Variants in GRID2 observed in about 807,000 individuals in gnomAD.
GRID2 encodes the protein glutamate ionotropic receptor delta type subunit 2.
Under a neutral mutation model 114.8 loss-of-function variants are expected in GRID2, and 33 were observed. That is an observed-to-expected ratio of 0.29 (90% CI 0.22 to 0.38). The LOEUF is 0.38. GRID2 is among the 10% of genes least tolerant of loss of function. GRID2 has a pLI of 1.00. For missense variants in GRID2, 1,184 were observed against 1,257.7 expected (o/e 0.94, Z 0.89); for synonymous variants, 505 against 449.9 (o/e 1.12, Z -1.55).
At chr4:93,628,029 C>T (rs1560837566) in intron 14 of GRID2, among the ~76,000 whole-genome samples, 1 of 152,102 alleles carries the variant, frequency 6.6e-6, no homozygotes. Context: ...CAAAAATTAT[C>T]CAGGTGTGGT....
intron 1 of GRID2, among the ~76,000 whole-genome samples, chr4:92,315,418 G>A (rs1725916443): frequency 6.6e-6 from 1 of 152,026 alleles, no homozygotes; most frequent in African/African-American, 2.4e-5. Flanking sequence ...CTGGAGCCTA[G>A]GAACTTAATT....
At chr4:93,806,898 A>T (rs1390055885) in exon 2 of GRID2, 4 of 152,264 alleles carry the variant, frequency 2.6e-5, no homozygotes, top group Admixed American at 2.0e-4. Flanking sequence ...AGAACTGCTG[A>T]TCTGTTTTCC....
intron 4 of GRID2, among the ~76,000 whole-genome samples, chr4:93,192,881 C>G (rs1741125785): frequency 6.6e-6 from 1 of 152,050 alleles, no homozygotes; most frequent in African/African-American, 2.4e-5. Flanking sequence ...GTATTGCCTG[C>G]CTTATCTCAT....
At chr4:92,646,456 T>C (rs1446982534) in intron 2 of GRID2, among the ~76,000 whole-genome samples, 1 of 152,174 alleles carries the variant, frequency 6.6e-6, no homozygotes, top group Admixed American at 6.6e-5. Flanking sequence ...TTTCTTGTTC[T>C]TAACACTTAA....
intron 1 of GRID2, among the ~76,000 whole-genome samples, chr4:92,528,779 C>T (rs1725166508): frequency 6.8e-6 from 1 of 147,814 alleles, no homozygotes; most frequent in Non-Finnish European, 1.5e-5. Flanking sequence ...GAACATGCTC[C>T]ACTAAAGTCG....
At chr4:92,387,408 G>T (rs147471215) in intron 1 of GRID2, among the ~76,000 whole-genome samples, 272 of 152,068 alleles carry the variant, frequency 1.8e-3, no homozygotes, top group Non-Finnish European at 2.2e-3. Flanking sequence ...AAGTTGTGTG[G>T]AGAATGTGAG....
At chr4:93,682,262 A>C (rs1214233607) in intron 14 of GRID2, among the ~76,000 whole-genome samples, 1 of 148,998 alleles carries the variant, frequency 6.7e-6, no homozygotes, top group Non-Finnish European at 1.5e-5. Flanking sequence ...AATGGCAATC[A>C]TTAAAAAGTC....
At position 92,995,037 on chromosome 4, in the gene GRID2, C is replaced by T. The variant is rs1208536623; in HGVS notation, c.245-89958C>T. On this transcript the variant is annotated intron_variant, in intron 2 of 15. Coordinates refer to ENST00000282020, the MANE Select transcript of GRID2 (RefSeq NM_001510.4). Reference sequence around the variant, plus strand: ...TGTTAAACAGCCAACACACAACTGTCCTTGGAGGAATAAAAGGTTTGCCTT... The same window carrying T: ...TGTTAAACAGCCAACACACAACTGTTCTTGGAGGAATAAAAGGTTTGCCTT... Among the ~76,000 whole-genome samples the T allele has an allele frequency of 3.9e-5, 6 of 152,074 alleles. No homozygotes were observed. In the East Asian group the frequency reaches 1.2e-3, roughly 29 times the overall value.
intron 1 of GRID2, among the ~76,000 whole-genome samples, chr4:92,567,529 T>C (rs545629351): frequency 1.4e-3 from 210 of 152,152 alleles, no homozygotes; most frequent in Non-Finnish European, 1.6e-3. Flanking sequence ...TTTGCGCTAA[T>C]AAATCTAATT....
At chr4:93,612,159 G>A (rs1490363558) in intron 13 of GRID2, among the ~76,000 whole-genome samples, 1 of 151,500 alleles carries the variant, frequency 6.6e-6, no homozygotes, top group Non-Finnish European at 1.5e-5. Context: ...TTTTCCATTG[G>A]TTTGGTAGAT....
At chr4:93,702,880 A>G (rs946680316) in intron 14 of GRID2, among the ~76,000 whole-genome samples, 4 of 152,120 alleles carry the variant, frequency 2.6e-5, no homozygotes. Context: ...TAATATCTCA[A>G]TTGGGAGAAG....
At chr4:93,502,144 T>A (rs1337923116) in intron 12 of GRID2, among the ~76,000 whole-genome samples, 1 of 152,100 alleles carries the variant, frequency 6.6e-6, no homozygotes, top group Non-Finnish European at 1.5e-5. Context: ...AGACTGGAGT[T>A]GGCAGCCGGG....
intron 2 of GRID2, among the ~76,000 whole-genome samples, chr4:92,913,659 G>A (rs570804750): frequency 6.6e-6 from 1 of 152,058 alleles, no homozygotes; most frequent in East Asian, 1.9e-4. Flanking sequence ...AGATTATACT[G>A]TAGCATTTGA....
At chr4:93,496,129 A>AAC (rs1255781910) in intron 12 of GRID2, among the ~76,000 whole-genome samples, 1 of 151,654 alleles carries the variant, frequency 6.6e-6, no homozygotes, top group African/African-American at 2.4e-5. Flanking sequence ...GTAAAAAAAA[A>AAC]AAAAAACAGG....
chr4:93,293,697 G>A (rs574456323), intron 8 of GRID2, among the ~76,000 whole-genome samples: 221 of 152,114 alleles, frequency 1.5e-3, no homozygotes, highest in African/African-American at 5.0e-3. Flanking sequence ...ATAAAAAATG[G>A]CTAGCCTCTC....
intron 2 of GRID2, among the ~76,000 whole-genome samples, chr4:92,841,279 A>C (rs1742872052): frequency 6.6e-6 from 1 of 152,084 alleles, no homozygotes; most frequent in Admixed American, 6.6e-5. Flanking sequence ...AAAACATTTA[A>C]ATTGTTTAAA....
intron 2 of GRID2, among the ~76,000 whole-genome samples, chr4:92,738,517 G>A (rs890984075): frequency 6.6e-6 from 1 of 152,000 alleles, no homozygotes; most frequent in Non-Finnish European, 1.5e-5. Flanking sequence ...TAGTCTGAAT[G>A]TATTTTCTAA....
chr4:93,796,202 A>C (rs1734796813), intron 1 of GRID2, among the ~76,000 whole-genome samples: 1 of 152,088 alleles, frequency 6.6e-6, no homozygotes, highest in Non-Finnish European at 1.5e-5. Context: ...GGTCAGACCC[A>C]CCACCATCAT....
rs1211442570 is a variant in GRID2, at chr4:93,040,285, CAA to C, written c.245-44698_245-44697del. 2.3e-3 allele frequency among the ~76,000 whole-genome samples: 259 copies of C among 111,968 alleles called. 1 individual carries two copies. The highest frequency in any genetic ancestry group is 7.5e-3 in the African/African-American group (230 of 30,530). The allele number at this position is 111,968 out of a possible 152,430, so 73.5% of individuals were successfully genotyped here. Reference sequence around the variant, plus strand: ...ATTAAAAGCAGGAGTTACAGAATCACAAAAAAAAAAAAAGAAAGAAAACATCA... The same window carrying C: ...ATTAAAAGCAGGAGTTACAGAATCACAAAAAAAAAAAGAAAGAAAACATCA... On this transcript the variant is annotated intron_variant, in intron 2 of 15. Coordinates refer to ENST00000282020, the MANE Select transcript of GRID2 (RefSeq NM_001510.4).
Sources: gnomAD v4.1 joint callset for allele counts (sites outside exome capture counted in the v4.1 genomes callset) on GRCh38, gnomAD v4.1.1 for gene constraint, MANE v1.5 for transcripts, NCBI Gene and HGNC (gene_info 2026-07-23, HGNC 2026-07-21) for gene names.